DENND1A: variants seen among roughly 807,000 people sequenced by gnomAD.
DENND1A encodes DENN domain containing 1A, also known as DENN domain-containing protein 1A.
In DENND1A, 51 loss-of-function variants were observed where a neutral mutation model predicts 113.7. The ratio of observed to expected loss-of-function variants is 0.45; its 90% CI spans 0.36 to 0.57. The LOEUF (loss-of-function observed/expected upper bound fraction) is 0.57. Among genes scored for constraint, DENND1A ranks in the 20% least tolerant of loss-of-function variants. The pLI is 0.00. For synonymous variants in DENND1A, 565 were observed against 570.8 expected, an observed-to-expected ratio of 0.99 and a Z score of 0.14; for missense variants, 1,258 against 1,395.9, an observed-to-expected ratio of 0.90 and a Z score of 1.57.
intron 11 of DENND1A, among the ~76,000 whole-genome samples, chr9:123,589,695 C>A (rs1043628842): frequency 6.7e-6 from 1 of 148,382 alleles, no homozygotes; most frequent in African/African-American, 2.5e-5. Flanking sequence ...ACTGGCTTTC[C>A]AAATGGCATT....
chr9:123,701,044 T>C (rs1293721333), intron 5 of DENND1A, among the ~76,000 whole-genome samples: 1 of 152,224 alleles, frequency 6.6e-6, no homozygotes, highest in Admixed American at 6.5e-5. Flanking sequence ...CAAAAATTTA[T>C]AGAAATGGAC....
At chr9:123,481,799 T>TTC (rs1378270840) in intron 13 of DENND1A, among the ~76,000 whole-genome samples, 2 of 146,362 alleles carry the variant, frequency 1.4e-5, no homozygotes, top group Non-Finnish European at 3.0e-5. Flanking sequence ...CTTTCTTTCT[T>TTC]TTTTTTTTTT....
chr9:123,699,400 A>G (rs561261818), intron 5 of DENND1A, among the ~76,000 whole-genome samples: 279 of 152,302 alleles, frequency 1.8e-3, no homozygotes, highest in African/African-American at 6.4e-3. Context: ...TATATTACAT[A>G]TATTATAAGA....
At chr9:123,712,772 A>G (rs1259795859) in intron 5 of DENND1A, among the ~76,000 whole-genome samples, 1 of 152,250 alleles carries the variant, frequency 6.6e-6, no homozygotes, top group African/African-American at 2.4e-5. Flanking sequence ...AACTAGCCCA[A>G]GGTGAAAAGG....
chr9:123,832,985 G>A (rs2132811689), intron 2 of DENND1A, among the ~76,000 whole-genome samples: 1 of 152,058 alleles, frequency 6.6e-6, no homozygotes, highest in Middle Eastern at 3.4e-3. Context: ...GGGGGTCCGG[G>A]GGAGCGGTCC....
chr9:123,616,216 C>A (rs992436305), intron 10 of DENND1A, among the ~76,000 whole-genome samples: 9 of 152,188 alleles, frequency 5.9e-5, no homozygotes, highest in African/African-American at 1.9e-4. Flanking sequence ...GGGCGTGAGC[C>A]ACTGTGCCTG....
chr9:123,644,679 G>A (rs952008741), intron 9 of DENND1A, among the ~76,000 whole-genome samples: 1 of 152,204 alleles, frequency 6.6e-6, no homozygotes, highest in African/African-American at 2.4e-5. Flanking sequence ...CGATTAGTTT[G>A]TGTGTAATCC....
chr9:123,784,521 G>A (rs993862191), intron 3 of DENND1A, among the ~76,000 whole-genome samples: 4 of 152,170 alleles, frequency 2.6e-5, no homozygotes, highest in Admixed American at 6.5e-5. Context: ...GAGGCTAAGA[G>A]AAAACAGAGA....
chr9:123,892,858 T>C (rs1850130782), intron 1 of DENND1A, among the ~76,000 whole-genome samples: 1 of 152,186 alleles, frequency 6.6e-6, no homozygotes, highest in South Asian at 2.1e-4. Flanking sequence ...CGTGGGCACC[T>C]GTAATCCCAG....
chr9:123,785,052 A>T (rs1831910361), intron 3 of DENND1A, among the ~76,000 whole-genome samples: 1 of 152,146 alleles, frequency 6.6e-6, no homozygotes, highest in South Asian at 2.1e-4. Context: ...TACCTCTTAT[A>T]TACAAAGTAG....
chr9:123,807,267 T>A (rs964440449), intron 2 of DENND1A, among the ~76,000 whole-genome samples: 2 of 152,210 alleles, frequency 1.3e-5, no homozygotes, highest in African/African-American at 2.4e-5. Flanking sequence ...ATTTTTTAAA[T>A]GAACTTTGCA....
At position 123,383,750 on chromosome 9, in the gene DENND1A, C is replaced by T. The variant is rs754385424; in HGVS notation, c.1924G>A (p.Glu642Lys). 1.2e-6 allele frequency: 2 copies of T among 1,614,144 alleles called. No individual in the cohort carries two copies. The highest frequency in any genetic ancestry group is 1.7e-6 in the Non-Finnish European group (2 of 1,180,044). The change falls in exon 23 of 24, where the codon GAG becomes AAG. Residue 642 changes from glutamate to lysine, a missense_variant. Glu to Lys is a moderately conservative substitution (Grantham distance 56). Transcript: ENST00000394215. Reference sequence around the variant, plus strand: ...TGGCCCAGTGGCTGCAGTGCGGCCTCCATGTCCAGGTTGCTGAAGACGTCT... The same window carrying T: ...TGGCCCAGTGGCTGCAGTGCGGCCTTCATGTCCAGGTTGCTGAAGACGTCT... ...LEDVFSNLDMEAALQPLGQAK... is the reference protein window; with the variant it reads ...LEDVFSNLDMKAALQPLGQAK...
chr9:123,385,438 C>A (rs1366503108), intron 22 of DENND1A, among the ~76,000 whole-genome samples: 1 of 152,218 alleles, frequency 6.6e-6, no homozygotes, highest in African/African-American at 2.4e-5. Flanking sequence ...GCTGAGATTA[C>A]AGGTGTGAGC....
intron 16 of DENND1A, among the ~76,000 whole-genome samples, chr9:123,453,134 G>A (rs901019722): frequency 3.3e-5 from 5 of 152,178 alleles, no homozygotes; most frequent in South Asian, 4.1e-4. Context: ...CAGACACGTC[G>A]TGAGGGTTCT....
At chr9:123,677,301 T>C (rs77183410) in intron 5 of DENND1A, among the ~76,000 whole-genome samples, 3,623 of 152,292 alleles carry the variant, frequency 0.024, 61 homozygotes, top group South Asian at 0.058. Flanking sequence ...TCTCTCTATC[T>C]ACTTCAAGAT....
At chr9:123,612,017 T>C (rs1411287685) in intron 10 of DENND1A, among the ~76,000 whole-genome samples, 1 of 152,234 alleles carries the variant, frequency 6.6e-6, no homozygotes, top group African/African-American at 2.4e-5. Flanking sequence ...TAGCCAAGTA[T>C]TGTTAGAACT....
At chr9:123,917,211 AAACT>A (rs1169296228) in intron 1 of DENND1A, among the ~76,000 whole-genome samples, 1 of 152,052 alleles carries the variant, frequency 6.6e-6, no homozygotes, top group African/African-American at 2.4e-5. Context: ...CAACAACAAA[AAACT>A]AACTTTGTAT....
chr9:123,469,676 C>T (rs137909265), intron 13 of DENND1A, among the ~76,000 whole-genome samples: 158 of 152,334 alleles, frequency 1.0e-3, no homozygotes, highest in African/African-American at 3.7e-3. Flanking sequence ...TGGGAATCGG[C>T]TCTAAGAGGA....
intron 10 of DENND1A, among the ~76,000 whole-genome samples, chr9:123,616,284 T>A (rs2060646351): frequency 1.3e-5 from 2 of 152,224 alleles, no homozygotes; most frequent in African/African-American, 2.4e-5. Flanking sequence ...ATCACCCAGT[T>A]AATGGTGATC....
Sources: gnomAD v4.1 joint callset for allele counts (sites outside exome capture counted in the v4.1 genomes callset) on GRCh38, gnomAD v4.1.1 for gene constraint, MANE v1.5 for transcripts, NCBI Gene and HGNC (gene_info 2026-07-23, HGNC 2026-07-21) for gene names.